The following HABP2 variants were observed in gnomAD, a reference collection of about 807,000 sequenced individuals.
The protein encoded by HABP2 is factor VII-activating protease.
Under a neutral mutation model 66.5 loss-of-function variants are expected in HABP2, and 65 were observed. That is an observed-to-expected ratio of 0.98 (90% CI 0.80 to 1.20). The LOEUF (loss-of-function observed/expected upper bound fraction) is 1.20, where lower values mean the gene tolerates loss of function less well. Ranked by LOEUF, HABP2 falls within the 50% of genes most tolerant of loss-of-function variation. HABP2 has a pLI of 0.00. For synonymous variants in HABP2, 263 were observed against 253.9 expected (o/e 1.04, Z -0.34); for missense variants, 786 against 691.0 (o/e 1.14, Z -1.54).
chr10:113,586,476 G>T (rs1231805586), intron 12 of HABP2, among the ~76,000 whole-genome samples: 1 of 86,708 alleles, frequency 1.2e-5, no homozygotes, highest in Non-Finnish European at 2.7e-5. Context: ...GTGTGTGTGT[G>T]GGGGGGGGGG....
chr10:113,568,753 A>C (rs1425068351), intron 2 of HABP2, among the ~76,000 whole-genome samples: 1 of 152,178 alleles, frequency 6.6e-6, no homozygotes. Flanking sequence ...TTGCTCAGGC[A>C]CCGCTGAAGG....
intron 7 of HABP2, among the ~76,000 whole-genome samples, chr10:113,579,840 T>A (rs1845486649): frequency 6.6e-6 from 1 of 152,100 alleles, no homozygotes; most frequent in African/African-American, 2.4e-5. Flanking sequence ...TAGAGTGCAG[T>A]GGCACCATCT....
At position 113,577,583 on chromosome 10, in the gene HABP2, G is replaced by A. The variant is rs764540085; in HGVS notation, c.448+317G>A. The stretch of plus-strand genomic sequence containing the variant: ...GAGTCCCTGCTGTGAGGCAGGCATT[G>A]TCTCAGGAAATTTACGTTCTCTTTT... On this transcript the variant is annotated intron_variant, in intron 5 of 12. Coordinates refer to ENST00000351270, the MANE Select transcript of HABP2 (RefSeq NM_004132.5). Among the ~76,000 whole-genome samples, 5 of 152,220 alleles carry A rather than the reference G, an allele frequency of 3.3e-5. No individual in the cohort carries two copies. The East Asian group carries it at 9.6e-4, about 29-fold the overall frequency.
intron 5 of HABP2, 42 bp from the exon 6 acceptor site, chr10:113,577,984 T>C (rs1415740148): frequency 2.5e-6 from 4 of 1,606,320 alleles, no homozygotes; most frequent in Non-Finnish European, 3.4e-6. Flanking sequence ...GGGCTGCAAC[T>C]CCTTCTGAAG....
intron 11 of HABP2, among the ~76,000 whole-genome samples, chr10:113,584,488 C>T (rs1845598514): frequency 1.3e-5 from 2 of 152,234 alleles, no homozygotes; most frequent in South Asian, 4.1e-4. Context: ...ATCTCCATAT[C>T]TGTCCCTGGC....
At position 113,588,566 on chromosome 10, in the gene HABP2, C is replaced by A; in HGVS notation, c.*197C>A. The A allele has an allele frequency of 1.8e-6, 1 of 546,208 alleles. No homozygotes were observed. The highest frequency in any genetic ancestry group is 3.2e-6 in the Non-Finnish European group (1 of 311,038). The allele number at this position is 546,208 out of a possible 1,614,324, so 33.8% of individuals were successfully genotyped here. A position where few individuals can be genotyped will look rare whatever the true frequency, so the allele number is the denominator to read the frequency against. ...CACAATATCACCAGGCTTCTTCTGC[C>A]TCCCTTGGTAACCCAAGGAATGATG... On this transcript the variant is annotated 3_prime_UTR_variant, in exon 13 of 13. Coordinates refer to ENST00000351270, the MANE Select transcript of HABP2 (RefSeq NM_004132.5).
At chr10:113,573,158 C>T (rs1845344681) in intron 2 of HABP2, among the ~76,000 whole-genome samples, 1 of 152,200 alleles carries the variant, frequency 6.6e-6, no homozygotes, top group African/African-American at 2.4e-5. Context: ...TGCCATACTC[C>T]AGCCGGCTGG....
intron 11 of HABP2, among the ~76,000 whole-genome samples, chr10:113,585,125 G>A (rs753549121): frequency 2.0e-5 from 3 of 152,168 alleles, no homozygotes; most frequent in Non-Finnish European, 4.4e-5. Context: ...TGAGAAAGAT[G>A]TCTGGCTAAT....
Position 113,583,374 on chromosome 10 carries a change from A to T in HABP2, c.1237+16A>T. 6.2e-7 allele frequency: 1 copy of T among 1,610,870 alleles called. No homozygotes were observed. On this transcript the variant is annotated intron_variant, in intron 10 of 12. Coordinates refer to ENST00000351270, the MANE Select transcript of HABP2 (RefSeq NM_004132.5). ...AATGATATTGGCAAGTTCCTCTTTC[A>T]TGGCTTTCCTGAGGGTCTTGTCCTG... is the stretch of plus-strand genomic sequence containing the variant.
intron 2 of HABP2, among the ~76,000 whole-genome samples, chr10:113,568,250 C>T (rs1451140320): frequency 6.6e-6 from 1 of 152,228 alleles, no homozygotes; most frequent in Non-Finnish European, 1.5e-5. Flanking sequence ...AAATTCTGCT[C>T]GCCACTCCAT....
chr10:113,570,606 T>C (rs1592690479), intron 2 of HABP2, among the ~76,000 whole-genome samples: 1 of 152,162 alleles, frequency 6.6e-6, no homozygotes, highest in Non-Finnish European at 1.5e-5. Flanking sequence ...CCCAGGAAAA[T>C]ATGTGGACGA....
At chr10:113,554,892 C>T (rs1358890030) in intron 1 of HABP2, among the ~76,000 whole-genome samples, 4 of 152,112 alleles carry the variant, frequency 2.6e-5, no homozygotes, top group Non-Finnish European at 5.9e-5. Flanking sequence ...TAGTCAATTC[C>T]AAAGAGAGGA....
intron 6 of HABP2, 74 bp from the exon 7 acceptor site, chr10:113,578,553 T>C: frequency 1.0e-6 from 1 of 1,004,856 alleles, no homozygotes; most frequent in South Asian, 1.4e-5. Flanking sequence ...CCATGTCACA[T>C]ACCCACCAAG....
At chr10:113,573,828 C>T (rs1456239987) in intron 2 of HABP2, among the ~76,000 whole-genome samples, 1 of 152,028 alleles carries the variant, frequency 6.6e-6, no homozygotes, top group Non-Finnish European at 1.5e-5. Flanking sequence ...TAATGAAGTC[C>T]CATCAAGAAA....
intron 1 of HABP2, among the ~76,000 whole-genome samples, chr10:113,554,825 A>G (rs556628204): frequency 6.6e-6 from 1 of 152,372 alleles, no homozygotes; most frequent in East Asian, 1.9e-4. Context: ...CAATGAAATT[A>G]TAAGTCAATA....
chr10:113,555,346 G>A (rs189325497), intron 1 of HABP2, among the ~76,000 whole-genome samples: 47 of 152,274 alleles, frequency 3.1e-4, no homozygotes, highest in African/African-American at 1.1e-3. Flanking sequence ...GGGGCCCTGG[G>A]TGAGGATGAG....
chr10:113,584,994 T>C (rs1181463836), intron 11 of HABP2, among the ~76,000 whole-genome samples: 1 of 152,256 alleles, frequency 6.6e-6, no homozygotes, highest in East Asian at 1.9e-4. Flanking sequence ...ACTCAAAATA[T>C]ATTTCTCTTC....
chr10:113,572,655 G>C, intron 2 of HABP2: 2 of 452,164 alleles, frequency 4.4e-6, no homozygotes, highest in South Asian at 3.2e-5. Flanking sequence ...GCTTTATCAC[G>C]CTAGATGGAG....
chr10:113,551,496 A>G (rs1223997501), upstream of HABP2, among the ~76,000 whole-genome samples: 1 of 152,178 alleles, frequency 6.6e-6, no homozygotes, highest in African/African-American at 2.4e-5. Context: ...GTAGGGCTAG[A>G]GAAGAACTTT....
Sources: allele counts gnomAD v4.1 joint callset (sites outside exome capture counted in the v4.1 genomes callset), GRCh38; gene constraint gnomAD v4.1.1; transcripts MANE v1.5; gene names NCBI Gene and HGNC (gene_info 2026-07-23, HGNC 2026-07-21).